Variants in PLCH2 observed in about 807,000 individuals in gnomAD.
PLCH2 encodes the protein 1-phosphatidylinositol 4,5-bisphosphate phosphodiesterase eta-2.
A neutral mutation model predicts 134.7 loss-of-function variants in PLCH2; 98 were observed. That is an observed-to-expected ratio of 0.73 (90% CI 0.62 to 0.86). The LOEUF (loss-of-function observed/expected upper bound fraction) is 0.86. Ranked by LOEUF, PLCH2 falls within the 40% of genes least tolerant of loss-of-function variation. The pLI is 0.00. For missense variants in PLCH2, 1,994 were observed against 1,986.6 expected (o/e 1.00, Z -0.07); for synonymous variants, 974 against 827.5 (o/e 1.18, Z -3.04).
chr1:2,432,248 A>C (rs1234431331), intron 2 of PLCH2, among the ~76,000 whole-genome samples: 3 of 152,312 alleles, frequency 2.0e-5, no homozygotes, highest in East Asian at 3.9e-4. Flanking sequence ...TCAGCCCTGA[A>C]GCGGTGGGCA....
intron 2 of PLCH2, among the ~76,000 whole-genome samples, chr1:2,451,887 T>C (rs1293330225): frequency 2.0e-5 from 3 of 152,154 alleles, no homozygotes; most frequent in African/African-American, 7.2e-5. Context: ...CGGATGCCTG[T>C]CATCGGCATG....
At chr1:2,440,890 C>CG (rs1358548721) in intron 2 of PLCH2, among the ~76,000 whole-genome samples, 1 of 152,234 alleles carries the variant, frequency 6.6e-6, no homozygotes, top group African/African-American at 2.4e-5. Flanking sequence ...CACGTCCCCC[C>CG]GGGAACGGAA....
At chr1:2,501,109 A>G (rs1360489447) in intron 20 of PLCH2, 2 of 151,662 alleles carry the variant, frequency 1.3e-5, no homozygotes, top group Admixed American at 6.6e-5. Context: ...ACTGTGACCA[A>G]ATGCGTAGAT....
At chr1:2,489,426 G>A in intron 9 of PLCH2, 48 bp downstream of exon 9, 1 of 1,586,936 alleles carries the variant, frequency 6.3e-7, no homozygotes, top group Non-Finnish European at 8.6e-7. Context: ...AGAGTCTCGG[G>A]CCTGCAGCAG....
At chr1:2,434,071 C>T (rs761904168) in intron 2 of PLCH2, among the ~76,000 whole-genome samples, 5 of 152,256 alleles carry the variant, frequency 3.3e-5, no homozygotes, top group Non-Finnish European at 7.3e-5. Flanking sequence ...GGCTTCGTGG[C>T]GGGTCTCCCG....
At chr1:2,464,059 C>T (rs547349584), upstream of PLCH2, among the ~76,000 whole-genome samples, 294 of 152,346 alleles carry the variant, frequency 1.9e-3, no homozygotes, top group African/African-American at 6.7e-3. Context: ...GGCTTCTGTG[C>T]GGTGGGATCG....
rs1342972526 is a variant in PLCH2, at chr1:2,504,267, C to T, written c.3305C>T (p.Thr1102Met). Reference protein sequence around the residue: ...RRVKSEGQVPTEPLGGWRPLA... With the variant: ...RRVKSEGQVPMEPLGGWRPLA... Reference sequence around the variant, plus strand: ...GTGAAGAGTGAGGGGCAGGTGCCCACGGAGCCCCTGGGAGGGTGGCGGCCC... The same window carrying T: ...GTGAAGAGTGAGGGGCAGGTGCCCATGGAGCCCCTGGGAGGGTGGCGGCCC... The change falls in exon 22 of 22, where the codon ACG (threonine) becomes ATG (methionine). Residue 1102 changes from threonine (T) to methionine (M), a missense_variant. Physicochemically the swap from Thr to Met is moderately conservative, Grantham distance 81 (BLOSUM62 -1). Coordinates refer to ENST00000378486, the MANE Select transcript of PLCH2 (RefSeq NM_014638.4). The T allele has an allele frequency of 7.5e-6, 12 of 1,593,676 alleles. No individual in the cohort carries two copies. The highest frequency in any genetic ancestry group is 2.7e-5 in the African/African-American group (2 of 74,316).
intron 21 of PLCH2, 87 bp from the exon 22 acceptor site, chr1:2,503,835 C>T: frequency 3.1e-6 from 2 of 640,436 alleles, no homozygotes; most frequent in East Asian, 2.7e-5. Flanking sequence ...CCACCCTGAT[C>T]CGACTCCTCT....
chr1:2,431,299 C>A (rs1161042106), intron 2 of PLCH2, among the ~76,000 whole-genome samples: 1 of 151,652 alleles, frequency 6.6e-6, no homozygotes, highest in Non-Finnish European at 1.5e-5. Context: ...TGAGGGTCTG[C>A]ACCTGTGCCT....
intron 2 of PLCH2, among the ~76,000 whole-genome samples, chr1:2,435,180 G>C (rs1432799431): frequency 6.6e-6 from 1 of 152,222 alleles, no homozygotes; most frequent in African/African-American, 2.4e-5. Flanking sequence ...ACGAAGGAGA[G>C]CATGTGGAAG....
At chr1:2,497,640 G>A (rs1056562086) in intron 16 of PLCH2, 31 bp downstream of exon 16, 22 of 1,439,782 alleles carry the variant, frequency 1.5e-5, no homozygotes, top group Admixed American at 1.4e-4. Flanking sequence ...GGGCTCGGAC[G>A]CTCAGGGCTC....
At chr1:2,427,233 TG>T (rs139401668) in intron 1 of PLCH2, among the ~76,000 whole-genome samples, 4,317 of 152,206 alleles carry the variant, frequency 0.028, 184 homozygotes, top group African/African-American at 0.098. Context: ...AGCTGGGCAG[TG>T]GGCTGCAGTG....
At chr1:2,428,428 G>A (rs1638902722) in intron 1 of PLCH2, among the ~76,000 whole-genome samples, 1 of 152,248 alleles carries the variant, frequency 6.6e-6, no homozygotes, top group Non-Finnish European at 1.5e-5. Context: ...GACCACGGTG[G>A]CTCTCAGGGC....
rs187976388 is a variant in PLCH2, at chr1:2,435,904, C to T, written c.115+5275C>T. 4.4e-3 allele frequency among the ~76,000 whole-genome samples: 671 copies of T among 152,050 alleles called. 3 individuals are homozygous for T. The highest frequency in any genetic ancestry group is 0.024 in the Middle Eastern group (7 of 294). ...ACTTGGGCTCTCATCATCTCTCTCC[C>T]TCTGGCCAGGAAAAGAGTGAGGGCC... On this transcript the variant is annotated intron_variant, in intron 2 of 3. Coordinates refer to the PLCH2 transcript ENST00000609981.
intron 11 of PLCH2, chr1:2,493,925 GTGCAGGGGCGTGCTGTGGGTGT>G (rs1642731300): frequency 6.5e-6 from 1 of 153,056 alleles, no homozygotes; most frequent in African/African-American, 2.4e-5. Flanking sequence ...GAGGGTGTGT[GTGCAGGGGCGTGCTGTGGGTGT>G]TGCAGGGGTG....
chr1:2,487,394 G>C lies in PLCH2; in HGVS notation c.1114+18G>C, dbSNP rs893468628. ...CGTGGAGGGTAAGCCCTGGACCTTG[G>C]GTGACGGCCGTGGGCTGGCATCTGC... On this transcript the variant is annotated intron_variant, in intron 7 of 21. Transcript: ENST00000378486. 3 of 1,604,584 alleles carry C rather than the reference G, an allele frequency of 1.9e-6. No individual in the cohort carries two copies. The highest frequency in any genetic ancestry group is 1.7e-5 in the Admixed American group (1 of 59,672).
chr1:2,470,470 C>T (rs1256186572), intron 1 of PLCH2, among the ~76,000 whole-genome samples: 1 of 152,238 alleles, frequency 6.6e-6, no homozygotes, highest in African/African-American at 2.4e-5. Context: ...CCAGGACACC[C>T]TCTCTGTCTG....
chr1:2,456,776 C>T (rs1640518629), intron 2 of PLCH2, among the ~76,000 whole-genome samples: 1 of 152,140 alleles, frequency 6.6e-6, no homozygotes, highest in Non-Finnish European at 1.5e-5. Flanking sequence ...GGTGCCCACC[C>T]TTCCTGAGAG....
Position 2,504,543 on chromosome 1 carries a change from T to A in PLCH2, c.3581T>A (p.Leu1194Gln). Residue 1194 changes from leucine (L) to glutamine (Q), a missense_variant, in exon 22 of 22, where the codon CTG becomes CAG. Leu to Gln is a moderately radical substitution (Grantham distance 113). Around this residue, in one of 2 missense-constraint regions of PLCH2, gnomAD observed 900 missense variants for 752.3 expected, o/e 1.20. Coordinates refer to ENST00000378486, the MANE Select transcript of PLCH2 (RefSeq NM_014638.4). ...TCGGCTTCGGCTGCCCGCCCAGACC[T>A]GCCACCTGTGACCAAGAGCAAATCC... ...PHSASAARPDLPPVTKSKSNP... is the reference protein window; with the variant it reads ...PHSASAARPDQPPVTKSKSNP... 1.2e-6 allele frequency: 2 copies of A among 1,612,566 alleles called. No individual in the cohort carries two copies.
Sources: gnomAD v4.1 joint callset for allele counts (sites outside exome capture counted in the v4.1 genomes callset) on GRCh38, gnomAD v4.1.1 for gene constraint, gnomAD v4.1.1 regional missense constraint, MANE v1.5 for transcripts, NCBI Gene and HGNC (gene_info 2026-07-23, HGNC 2026-07-21) for gene names.